Variants in SYNDIG1 observed in about 807,000 individuals in gnomAD.
SYNDIG1 encodes synapse differentiation-inducing gene protein 1.
In SYNDIG1, 9 loss-of-function variants were observed where a neutral mutation model predicts 19.4. That is an observed-to-expected ratio of 0.46 (90% CI 0.28 to 0.81). SYNDIG1 has a LOEUF of 0.81. Ranked by LOEUF, SYNDIG1 falls within the 30% of genes least tolerant of loss-of-function variation. SYNDIG1 has a pLI of 0.12. For missense variants in SYNDIG1, 311 were observed against 343.3 expected, an observed-to-expected ratio of 0.91 and a Z score of 0.74; for synonymous variants, 141 against 145.9, an observed-to-expected ratio of 0.97 and a Z score of 0.24.
intron 2 of SYNDIG1, among the ~76,000 whole-genome samples, chr20:24,560,031 T>G (rs55760567): frequency 0.063 from 1,697 of 26,998 alleles, 30 homozygotes; most frequent in Non-Finnish European, 0.071. Flanking sequence ...TTCTTTGACT[T>G]TTTTTTTTTT....
intron 3 of SYNDIG1, among the ~76,000 whole-genome samples, chr20:24,610,348 T>A (rs1428659256): frequency 6.6e-6 from 1 of 152,222 alleles, no homozygotes; most frequent in Non-Finnish European, 1.5e-5. Context: ...AGGGATATTG[T>A]AAGTGGTCAT....
chr20:24,597,149 C>A, intron 3 of SYNDIG1: 1 of 152,508 alleles, frequency 6.6e-6, no homozygotes. Flanking sequence ...TGGTCCTCTT[C>A]CAGAACACAT....
intron 2 of SYNDIG1, among the ~76,000 whole-genome samples, chr20:24,568,497 C>T (rs2058090617): frequency 1.3e-5 from 2 of 152,150 alleles, no homozygotes; most frequent in Admixed American, 1.3e-4. Flanking sequence ...TCTCATAACA[C>T]CTGGAGTCAA....
chr20:24,508,084 T>TA (rs1270973364), intron 1 of SYNDIG1, among the ~76,000 whole-genome samples: 2 of 148,644 alleles, frequency 1.3e-5, no homozygotes. Flanking sequence ...CATAAACCAA[T>TA]AAAAAAAGAA....
chr20:24,489,411 A>G (rs975258395), intron 1 of SYNDIG1, among the ~76,000 whole-genome samples: 2 of 152,062 alleles, frequency 1.3e-5, no homozygotes, highest in African/African-American at 2.4e-5. Context: ...GTGCACACAG[A>G]CACATGGACA....
At position 24,653,108 on chromosome 20, in the gene SYNDIG1, A is replaced by G. The variant is rs143205857; in HGVS notation, c.619-12238A>G. Among the ~76,000 whole-genome samples, 10 of 152,312 alleles carry G rather than the reference A, an allele frequency of 6.6e-5. No homozygotes were observed. In the East Asian group the frequency reaches 1.9e-3, roughly 29 times the overall value. On this transcript the variant is annotated intron_variant, in intron 3 of 3. Coordinates refer to ENST00000376862, the MANE Select transcript of SYNDIG1 (RefSeq NM_024893.3). ...GGCACTTGAACATGTGTGTTATGTC[A>G]CCTCCTTCATAAAATCTTTATTTAA...
At chr20:24,639,744 T>C (rs572300337) in intron 3 of SYNDIG1, among the ~76,000 whole-genome samples, 2 of 152,344 alleles carry the variant, frequency 1.3e-5, no homozygotes, top group Admixed American at 1.3e-4. Flanking sequence ...GAGTTTAGCC[T>C]GATTCTTTCC....
chr20:24,470,682 TCTGGCAGCC>T (rs1233182764), intron 1 of SYNDIG1, among the ~76,000 whole-genome samples: 10 of 152,182 alleles, frequency 6.6e-5, no homozygotes, highest in Non-Finnish European at 1.5e-5. Context: ...CTAGAGTGGC[TCTGGCAGCC>T]GAGCTTTGAG....
At chr20:24,615,195 C>T (rs1475544714) in intron 3 of SYNDIG1, among the ~76,000 whole-genome samples, 2 of 152,208 alleles carry the variant, frequency 1.3e-5, no homozygotes, top group Non-Finnish European at 2.9e-5. Flanking sequence ...TAATAGCCTG[C>T]CTCTCCTGTG....
chr20:24,571,675 G>A (rs1213854858), intron 2 of SYNDIG1, among the ~76,000 whole-genome samples: 5 of 151,956 alleles, frequency 3.3e-5, no homozygotes, highest in African/African-American at 1.2e-4. Flanking sequence ...GAACAGTGAA[G>A]AAAAAAAGGA....
intron 3 of SYNDIG1, among the ~76,000 whole-genome samples, chr20:24,608,366 A>G (rs892248162): frequency 2.0e-5 from 3 of 152,104 alleles, no homozygotes; most frequent in South Asian, 2.1e-4. Context: ...TTTAGTAGAG[A>G]CAGGGTTTCA....
At chr20:24,594,679 G>A (rs145721696) in intron 3 of SYNDIG1, among the ~76,000 whole-genome samples, 14 of 152,206 alleles carry the variant, frequency 9.2e-5, no homozygotes, top group African/African-American at 3.1e-4. Context: ...TTTTTCGGTT[G>A]ATTGTGTCAT....
intron 3 of SYNDIG1, among the ~76,000 whole-genome samples, chr20:24,592,353 C>A (rs2147079704): frequency 6.6e-6 from 1 of 152,300 alleles, no homozygotes; most frequent in Middle Eastern, 3.4e-3. Flanking sequence ...GATATTAATT[C>A]TAATTCTTTA....
intron 3 of SYNDIG1, among the ~76,000 whole-genome samples, chr20:24,619,234 C>T (rs2058999423): frequency 6.6e-6 from 1 of 152,222 alleles, no homozygotes; most frequent in African/African-American, 2.4e-5. Flanking sequence ...TAGTGTTACA[C>T]CTCAAGGATC....
In SYNDIG1 at chr20:24,666,511, AAT is replaced by A. The variant is rs1328195125; in HGVS notation, c.*1008_*1009del. On this transcript the variant is annotated 3_prime_UTR_variant, in exon 4 of 4. Transcript: ENST00000376862. ...ACCAGATGAATGCTGAGAAATAAGT[AAT>A]CACAGACATTTTAATACCATTTCAT... The A allele has an allele frequency of 3.3e-5, 5 of 152,696 alleles. No homozygotes were observed. The highest frequency in any genetic ancestry group is 1.2e-4 in the African/African-American group (5 of 41,468). The allele number at this position is 152,696 out of a possible 1,614,324, so 9.5% of individuals were successfully genotyped here.
chr20:24,502,900 G>T (rs1303283445), intron 1 of SYNDIG1, among the ~76,000 whole-genome samples: 1 of 152,224 alleles, frequency 6.6e-6, no homozygotes. Flanking sequence ...TGACGTGGGA[G>T]TTTTGTCTTT....
rs932592991 is a variant in SYNDIG1 at position 24,644,197 on chromosome 20, T to C, written c.619-21149T>C. On this transcript the variant is annotated intron_variant, in intron 3 of 3. Coordinates refer to ENST00000376862, the MANE Select transcript of SYNDIG1 (RefSeq NM_024893.3). ...ATTGGTCTGCTCTATGGAGTCTCCA[T>C]GTGCTCATCCATGAAGCAAGGCTGT... Among the ~76,000 whole-genome samples, 3 of 152,250 alleles carry C rather than the reference T, an allele frequency of 2.0e-5. No homozygotes were observed. The South Asian group carries it at 6.2e-4, about 31-fold the overall frequency.
In SYNDIG1 at chr20:24,600,466, C is replaced by T. The variant is rs189925249; in HGVS notation, c.618+15473C>T. On this transcript the variant is annotated intron_variant, in intron 3 of 3. Coordinates refer to ENST00000376862, the MANE Select transcript of SYNDIG1 (RefSeq NM_024893.3). ...AGAAGGACTAGCACCTTCCAGCCAT[C>T]CTTCCTCCTTATCGCTGCCCTTCCT... 2.0e-5 allele frequency among the ~76,000 whole-genome samples: 3 copies of T among 152,280 alleles called. No individual in the cohort carries two copies. In the East Asian group the frequency reaches 5.8e-4, roughly 29 times the overall value.
At chr20:24,529,694 G>T (rs1340534216) in intron 1 of SYNDIG1, among the ~76,000 whole-genome samples, 1 of 152,026 alleles carries the variant, frequency 6.6e-6, no homozygotes, top group Admixed American at 6.6e-5. Context: ...TTTGTTCTGT[G>T]GCCTTGATTT....
Sources: allele counts gnomAD v4.1 joint callset (sites outside exome capture counted in the v4.1 genomes callset), GRCh38; gene constraint gnomAD v4.1.1; transcripts MANE v1.5; gene names NCBI Gene and HGNC (gene_info 2026-07-23, HGNC 2026-07-21).